Variants in PCDHA2 observed in about 807,000 individuals in gnomAD.
The protein encoded by PCDHA2 is protocadherin alpha 2, also known as protocadherin alpha-2.
A neutral mutation model predicts 66.0 loss-of-function variants in PCDHA2; 58 were observed. The observed-to-expected ratio is 0.88, with a 90% CI of 0.71 to 1.09. The LOEUF (loss-of-function observed/expected upper bound fraction) is 1.09. Ranked by LOEUF, PCDHA2 falls within the 50% of genes least tolerant of loss-of-function variation. The probability of loss-of-function intolerance (pLI) is 0.00; values close to 1 mark genes in which losing one functional copy is unlikely to be tolerated. For missense variants in PCDHA2, 1,267 were observed against 1,242.3 expected, an observed-to-expected ratio of 1.02 and a Z score of -0.30; for synonymous variants, 634 against 554.0, an observed-to-expected ratio of 1.14 and a Z score of -2.03.
intron 1 of PCDHA2, among the ~76,000 whole-genome samples, chr5:140,951,706 G>A (rs2094621330): frequency 6.6e-6 from 1 of 152,060 alleles, no homozygotes; most frequent in African/African-American, 2.4e-5. Context: ...CTTTGGGCGG[G>A]GACACAGATC....
chr5:140,836,547 C>CGGT, intron 1 of PCDHA2: 1 of 1,613,738 alleles, frequency 6.2e-7, no homozygotes, highest in Non-Finnish European at 8.5e-7. Context: ...CACGGCGTTG[C>CGGT]GGTGCTCAGC....
intron 1 of PCDHA2, chr5:140,836,819 CT>C: frequency 9.0e-7 from 1 of 1,113,456 alleles, no homozygotes; most frequent in Non-Finnish European, 1.3e-6. Context: ...TTCATAATTT[CT>C]TTTTTAGTTG....
At chr5:140,996,082 T>A (rs782553216) in intron 3 of PCDHA2, among the ~76,000 whole-genome samples, 6 of 152,248 alleles carry the variant, frequency 3.9e-5, no homozygotes, top group Non-Finnish European at 7.3e-5. Context: ...AAGATGTTTT[T>A]GCTAGATTAC....
chr5:140,849,243 A>G, intron 1 of PCDHA2: 1 of 1,073,288 alleles, frequency 9.3e-7, no homozygotes, highest in Non-Finnish European at 1.3e-6. Context: ...GTATACGGTG[A>G]AATTACCAGA....
chr5:140,911,509 A>G (rs1378667100), intron 1 of PCDHA2, among the ~76,000 whole-genome samples: 1 of 152,214 alleles, frequency 6.6e-6, no homozygotes, highest in Admixed American at 6.5e-5. Flanking sequence ...GAGGTTCAGT[A>G]TCTGCTTCTG....
rs551711072 is a variant in PCDHA2, at chr5:140,796,468, C to A, written c.1504C>A (p.Arg502Ser). 1.2e-6 allele frequency: 2 copies of A among 1,612,044 alleles called. No homozygotes were observed. The highest frequency in any genetic ancestry group is 1.3e-5 in the African/African-American group (1 of 74,886). ...GCTGGTGGAGCGGCGGGTGGGCGAG[C>A]GCGCGTTGTCGAGCTACGTTTCGGT... ...YSLVERRVGE[R>S]ALSSYVSVHA... Residue 502 changes from arginine (R) to serine (S), a missense_variant, in exon 1 of 4, where the codon CGC (arginine) becomes AGC (serine). Arg to Ser is a moderately radical substitution (Grantham distance 110). Coordinates refer to ENST00000526136, the MANE Select transcript of PCDHA2 (RefSeq NM_018905.3).
rs781793178 is a variant in PCDHA2 at position 140,857,329 on chromosome 5, G to A, written c.2388+59977G>A. ...CCTATGAGCTGGTGGTGACCGCGCGGGACGGGGGCTCGCCTCCGCTGTGGG... is the reference window on the plus strand; with the variant it reads ...CCTATGAGCTGGTGGTGACCGCGCGAGACGGGGGCTCGCCTCCGCTGTGGG... On this transcript the variant is annotated intron_variant, in intron 1 of 3. Coordinates refer to ENST00000526136, the MANE Select transcript of PCDHA2 (RefSeq NM_018905.3). 1.7e-5 allele frequency: 27 copies of A among 1,598,568 alleles called. 1 individual carries two copies. In the South Asian group the frequency reaches 2.9e-4, roughly 17 times the overall value.
intron 1 of PCDHA2, chr5:140,841,417 C>G (rs2150314997): frequency 2.5e-6 from 4 of 1,613,050 alleles, no homozygotes; most frequent in Non-Finnish European, 3.4e-6. Flanking sequence ...GCCAGCTCCA[C>G]TACTCCGTCC....
chr5:140,927,374 A>G (rs1026302775), intron 1 of PCDHA2: 5 of 1,614,100 alleles, frequency 3.1e-6, no homozygotes, highest in Non-Finnish European at 4.2e-6. Context: ...ATACTAAGCT[A>G]CAGCCTAAGC....
At chr5:140,909,038 A>C (rs1396337089) in intron 1 of PCDHA2, among the ~76,000 whole-genome samples, 1 of 152,126 alleles carries the variant, frequency 6.6e-6, no homozygotes, top group African/African-American at 2.4e-5. Context: ...TTTATTTTCC[A>C]TACTCTGGCA....
chr5:140,824,420 T>G (rs1192549493), intron 1 of PCDHA2: 6 of 510,762 alleles, frequency 1.2e-5, no homozygotes, highest in Non-Finnish European at 2.0e-5. Flanking sequence ...TAGTTTGGAG[T>G]CATTCTCAAA....
intron 1 of PCDHA2, chr5:140,824,454 A>C (rs1268614425): frequency 3.2e-5 from 14 of 439,740 alleles, no homozygotes; most frequent in Non-Finnish European, 5.2e-5. Context: ...ACTACATGAA[A>C]ATTTATTTTA....
At chr5:140,955,381 T>TG (rs782287731) in intron 1 of PCDHA2, among the ~76,000 whole-genome samples, 4 of 152,136 alleles carry the variant, frequency 2.6e-5, no homozygotes, top group Non-Finnish European at 5.9e-5. Context: ...AATTGAATCA[T>TG]GGGGGCAATT....
intron 1 of PCDHA2, among the ~76,000 whole-genome samples, chr5:140,972,775 T>C (rs1277210789): frequency 6.6e-6 from 1 of 151,656 alleles, no homozygotes; most frequent in Non-Finnish European, 1.5e-5. Context: ...GTGATTCTTC[T>C]GCCTCAGCCT....
chr5:140,894,572 T>C (rs2064553478), intron 1 of PCDHA2, among the ~76,000 whole-genome samples: 2 of 152,010 alleles, frequency 1.3e-5, no homozygotes, highest in Admixed American at 6.5e-5. Flanking sequence ...TATTTTCCTT[T>C]TTTTTAATAT....
intron 1 of PCDHA2, among the ~76,000 whole-genome samples, chr5:140,820,731 T>C (rs1766818492): frequency 6.6e-6 from 1 of 152,054 alleles, no homozygotes; most frequent in Admixed American, 6.5e-5. Flanking sequence ...AACCTAAACA[T>C]TTTGTGAAAT....
intron 2 of PCDHA2, among the ~76,000 whole-genome samples, chr5:140,981,130 CAA>C (rs1267278229): frequency 6.6e-6 from 1 of 152,186 alleles, no homozygotes; most frequent in East Asian, 1.9e-4. Flanking sequence ...TGTTTGAAGT[CAA>C]AGAGTGAGAA....
chr5:140,808,693 C>A, intron 1 of PCDHA2: 1 of 1,612,144 alleles, frequency 6.2e-7, no homozygotes, highest in Non-Finnish European at 8.5e-7. Flanking sequence ...TAGGGGAGCG[C>A]GCGCTGTCGA....
intron 1 of PCDHA2, chr5:140,829,623 A>T: frequency 6.2e-7 from 1 of 1,612,184 alleles, no homozygotes; most frequent in Non-Finnish European, 8.5e-7. Flanking sequence ...ATTTCGGTGC[A>T]CGCGGAGAGC....
Sources: allele counts gnomAD v4.1 joint callset (sites outside exome capture counted in the v4.1 genomes callset), GRCh38; gene constraint gnomAD v4.1.1; transcripts MANE v1.5; gene names NCBI Gene and HGNC (gene_info 2026-07-23, HGNC 2026-07-21).